Variants in SORCS3 observed in about 807,000 individuals in gnomAD.
SORCS3 encodes sortilin related VPS10 domain containing receptor 3.
A neutral mutation model predicts 146.3 loss-of-function variants in SORCS3; 57 were observed. The ratio of observed to expected loss-of-function variants is 0.39; its 90% CI spans 0.31 to 0.49. The LOEUF (loss-of-function observed/expected upper bound fraction) is 0.49. SORCS3 is among the 20% of genes least tolerant of loss of function. The pLI, the probability that SORCS3 is intolerant of heterozygous loss-of-function variation, is 0.92. For synonymous variants in SORCS3, 653 were observed against 618.5 expected, an observed-to-expected ratio of 1.06 and a Z score of -0.83; for missense variants, 1,341 against 1,575.5, an observed-to-expected ratio of 0.85 and a Z score of 2.52.
chr10:104,988,545 C>T (rs2054975241), intron 4 of SORCS3, among the ~76,000 whole-genome samples: 1 of 151,994 alleles, frequency 6.6e-6, no homozygotes, highest in Non-Finnish European at 1.5e-5. Flanking sequence ...TTCGCTTTTC[C>T]CATTAATTTA....
At chr10:105,128,660 T>C (rs2055993366) in intron 7 of SORCS3, among the ~76,000 whole-genome samples, 1 of 152,190 alleles carries the variant, frequency 6.6e-6, no homozygotes, top group African/African-American at 2.4e-5. Context: ...ATGTATTGCC[T>C]CTAGCCCTTC....
At chr10:105,178,262 A>C in intron 14 of SORCS3, 89 bp downstream of exon 14, 1 of 1,016,302 alleles carries the variant, frequency 9.8e-7, no homozygotes, top group Non-Finnish European at 1.4e-6. Context: ...AGGGAACCCT[A>C]CACCAAAGTG....
At chr10:105,022,313 T>TTTC (rs1554869672) in intron 4 of SORCS3, among the ~76,000 whole-genome samples, 2 of 133,814 alleles carry the variant, frequency 1.5e-5, no homozygotes, top group African/African-American at 5.9e-5. Context: ...TTTTTTTTTT[T>TTTC]CGAGACGGAG....
At chr10:104,918,231 A>G (rs2019052303) in intron 3 of SORCS3, among the ~76,000 whole-genome samples, 1 of 152,084 alleles carries the variant, frequency 6.6e-6, no homozygotes, top group South Asian at 2.1e-4. Context: ...CTCAGATCCC[A>G]CTCATGAACC....
chr10:104,730,755 A>G (rs1156298588), intron 1 of SORCS3, among the ~76,000 whole-genome samples: 1 of 152,258 alleles, frequency 6.6e-6, no homozygotes, highest in Non-Finnish European at 1.5e-5. Flanking sequence ...CAGGGCAGGC[A>G]GGAGAGATAA....
chr10:104,814,646 A>G (rs1462299775), intron 1 of SORCS3, among the ~76,000 whole-genome samples: 2 of 152,194 alleles, frequency 1.3e-5, no homozygotes, highest in African/African-American at 2.4e-5. Context: ...AGACACTCTC[A>G]TTATATTGTC....
At chr10:104,663,709 T>G (rs1022898461) in intron 1 of SORCS3, among the ~76,000 whole-genome samples, 1 of 152,218 alleles carries the variant, frequency 6.6e-6, no homozygotes, top group Non-Finnish European at 1.5e-5. Context: ...ATTAGCCTCT[T>G]GCTCTCTGAA....
chr10:104,905,029 T>C (rs139538624), intron 2 of SORCS3, among the ~76,000 whole-genome samples: 128 of 152,318 alleles, frequency 8.4e-4, no homozygotes, highest in Non-Finnish European at 1.6e-3. Context: ...TTCTAGCTAA[T>C]TGCTTTTTCC....
chr10:105,045,021 G>GAAAA (rs35904016), intron 5 of SORCS3, among the ~76,000 whole-genome samples: 87 of 117,820 alleles, frequency 7.4e-4, no homozygotes, highest in African/African-American at 1.7e-3. Context: ...TCCAGAATTC[G>GAAAA]AAAAAAAAAA....
At chr10:104,924,166 G>T (rs1183957023) in intron 3 of SORCS3, among the ~76,000 whole-genome samples, 2 of 152,154 alleles carry the variant, frequency 1.3e-5, no homozygotes, top group Non-Finnish European at 2.9e-5. Context: ...GCATATTGGA[G>T]CTTAAAGGGC....
At chr10:104,885,139 T>G (rs1356075495) in intron 2 of SORCS3, among the ~76,000 whole-genome samples, 1 of 152,196 alleles carries the variant, frequency 6.6e-6, no homozygotes, top group Non-Finnish European at 1.5e-5. Flanking sequence ...ACAAGGAGAC[T>G]GGGCTGCTGC....
At chr10:104,778,128 C>T (rs61867290) in intron 1 of SORCS3, among the ~76,000 whole-genome samples, 23,479 of 152,090 alleles carry the variant, frequency 0.15, 2,331 homozygotes, top group Middle Eastern at 0.28. Flanking sequence ...TGGAGTGTTG[C>T]CAACACAAAA....
chr10:104,819,998 T>C (rs2017854543), intron 1 of SORCS3, among the ~76,000 whole-genome samples: 1 of 152,204 alleles, frequency 6.6e-6, no homozygotes, highest in Non-Finnish European at 1.5e-5. Flanking sequence ...GAGTCTCTGA[T>C]CTTATCTTGA....
intron 1 of SORCS3, among the ~76,000 whole-genome samples, chr10:104,835,544 T>A (rs1359204066): frequency 6.6e-6 from 1 of 152,220 alleles, no homozygotes; most frequent in Non-Finnish European, 1.5e-5. Flanking sequence ...CTCACTTCAC[T>A]GAATGTGCTC....
At chr10:104,930,582 C>T (rs932732649) in intron 3 of SORCS3, among the ~76,000 whole-genome samples, 15 of 152,090 alleles carry the variant, frequency 9.9e-5, no homozygotes, top group Non-Finnish European at 5.9e-5. Flanking sequence ...AACAATACAC[C>T]GGGGTTGATG....
intron 1 of SORCS3, chr10:104,822,064 T>A (rs1589512400): frequency 1.9e-6 from 1 of 517,708 alleles, no homozygotes; most frequent in East Asian, 5.5e-5. Flanking sequence ...CCCTTATTTT[T>A]TATTCCTTCT....
At chr10:105,193,932 A>G (rs927634349) in intron 14 of SORCS3, among the ~76,000 whole-genome samples, 1 of 152,188 alleles carries the variant, frequency 6.6e-6, no homozygotes, top group Admixed American at 6.6e-5. Context: ...TGTAGAGTCC[A>G]AGAAGAAGGT....
At chr10:105,161,508 G>A (rs918152715) in intron 11 of SORCS3, among the ~76,000 whole-genome samples, 5 of 152,020 alleles carry the variant, frequency 3.3e-5, no homozygotes, top group Non-Finnish European at 7.4e-5. Context: ...GGGAAGCTGC[G>A]TGGATAAAAG....
At chr10:104,872,028 A>G (rs1310381058) in intron 2 of SORCS3, among the ~76,000 whole-genome samples, 1 of 152,118 alleles carries the variant, frequency 6.6e-6, no homozygotes, top group Non-Finnish European at 1.5e-5. Context: ...ATTGATTCAC[A>G]AATGTAGCCC....
Sources: allele counts gnomAD v4.1 joint callset (sites outside exome capture counted in the v4.1 genomes callset), GRCh38; gene constraint gnomAD v4.1.1; transcripts MANE v1.5; gene names NCBI Gene and HGNC (gene_info 2026-07-23, HGNC 2026-07-21).